Variants in SCARA3 observed in about 807,000 individuals in gnomAD.
SCARA3 encodes cellular stress response gene protein.
A neutral mutation model predicts 47.0 loss-of-function variants in SCARA3; 39 were observed. The ratio of observed to expected loss-of-function variants is 0.83; its 90% CI spans 0.64 to 1.08. The LOEUF (loss-of-function observed/expected upper bound fraction) is 1.08. SCARA3 is among the 50% of genes least tolerant of loss of function. The pLI is 0.00. For synonymous variants in SCARA3, 356 were observed against 334.1 expected, an observed-to-expected ratio of 1.07 and a Z score of -0.71; for missense variants, 724 against 792.3, an observed-to-expected ratio of 0.91 and a Z score of 1.04.
the SCARA3 span, among the ~76,000 whole-genome samples, chr8:27,690,974 C>T: frequency 2.6e-5 from 4 of 152,100 alleles, no homozygotes; most frequent in South Asian, 6.2e-4. Context: ...TAAGCCACCA[C>T]GCCAGGCCAT....
At chr8:27,651,021 G>A (rs1211217052) in intron 2 of SCARA3, among the ~76,000 whole-genome samples, 6 of 152,146 alleles carry the variant, frequency 3.9e-5, no homozygotes, top group African/African-American at 7.2e-5. Flanking sequence ...TACTGTACCC[G>A]GCAGGCTTTC....
chr8:27,653,629 C>G (rs986320286), intron 3 of SCARA3, among the ~76,000 whole-genome samples: 16 of 140,624 alleles, frequency 1.1e-4, no homozygotes, highest in Admixed American at 8.9e-4. Flanking sequence ...TGTGGATAGA[C>G]TGGTCAATGC....
In SCARA3 at chr8:27,658,845, C is replaced by T; in HGVS notation, c.675C>T (p.Phe225=). 6.2e-7 allele frequency: 1 copy of T among 1,614,212 alleles called. No individual in the cohort carries two copies. The highest frequency in any genetic ancestry group is 1.3e-5 in the African/African-American group (1 of 75,050). Residue 225 remains phenylalanine, a synonymous_variant, in exon 5 of 6, where the codon TTC becomes TTT. Coordinates refer to ENST00000301904, the MANE Select transcript of SCARA3 (RefSeq NM_016240.3). The stretch of plus-strand genomic sequence containing the variant: ...AGGCTGCAGTGCACCAGATCAACTT[C>T]ACCGTGGGGCAGACTTCCGAGTGGA... ...DVKAAVHQIN[F]TVGQTSEWIH...
intron 5 of SCARA3, among the ~76,000 whole-genome samples, chr8:27,661,574 A>C (rs1204216831): frequency 6.6e-6 from 1 of 152,232 alleles, no homozygotes; most frequent in African/African-American, 2.4e-5. Flanking sequence ...GATTGATTAC[A>C]TTCAGAATGT....
chr8:27,652,099 C>T (rs924163662), intron 3 of SCARA3, among the ~76,000 whole-genome samples: 1 of 152,218 alleles, frequency 6.6e-6, no homozygotes, highest in Non-Finnish European at 1.5e-5. Flanking sequence ...TGGATGCCTA[C>T]CTGCAGCAAT....
chr8:27,698,536 A>G, the SCARA3 span, among the ~76,000 whole-genome samples: 1 of 152,214 alleles, frequency 6.6e-6, no homozygotes, highest in Non-Finnish European at 1.5e-5. Context: ...AATAAGACAA[A>G]CAAAGAAATA....
In SCARA3 at chr8:27,649,448, A is replaced by T. The variant is rs1360887647; in HGVS notation, c.8-254A>T. Among the ~76,000 whole-genome samples the T allele has an allele frequency of 2.0e-5, 3 of 152,322 alleles. No homozygotes were observed. In the East Asian group the frequency reaches 5.8e-4, roughly 29 times the overall value. On this transcript the variant is annotated intron_variant, in intron 1 of 5. Transcript: ENST00000301904. ...CAAGCTCCAGAGAGAGCAGGCACTG[A>T]GGTGGCCCATGTGTCTTTCCCAGCG...
At chr8:27,635,787 C>A (rs1005253211) in intron 1 of SCARA3, among the ~76,000 whole-genome samples, 1 of 152,184 alleles carries the variant, frequency 6.6e-6, no homozygotes, top group East Asian at 1.9e-4. Flanking sequence ...AAGTCATCCC[C>A]TCCCACCAAC....
intron 5 of SCARA3, 130 bp downstream of exon 5, chr8:27,659,669 A>G: frequency 1.4e-6 from 1 of 718,614 alleles, no homozygotes; most frequent in Non-Finnish European, 2.2e-6. Flanking sequence ...AAATGCCTAC[A>G]GCAGTCGGCA....
At chr8:27,680,407 G>A (rs965380342), downstream of SCARA3, among the ~76,000 whole-genome samples, 6 of 151,910 alleles carry the variant, frequency 3.9e-5, no homozygotes, top group African/African-American at 7.2e-5. Context: ...GACAGTGAAG[G>A]GTAACAAAGA....
chr8:27,681,821 G>GA, the SCARA3 span, among the ~76,000 whole-genome samples: 411 of 152,314 alleles, frequency 2.7e-3, 2 homozygotes, highest in Non-Finnish European at 4.2e-3. Context: ...CCATGTTCAT[G>GA]GATGATATAT....
intron 5 of SCARA3, 115 bp downstream of exon 5, chr8:27,659,654 A>G (rs1233178075): frequency 3.6e-6 from 3 of 836,994 alleles, no homozygotes; most frequent in Admixed American, 2.9e-5. Context: ...ACACAATCCT[A>G]TAGCAAATGC....
rs1450922279 is a variant in SCARA3 at position 27,633,981 on chromosome 8, C to G, written c.-220C>G. On this transcript the variant is annotated 5_prime_UTR_variant, in exon 1 of 6. Transcript: ENST00000301904. Reference sequence around the variant, plus strand: ...GGCGGCGGGGCGCGGCGCTAGGCGCCCGGCGGGGCTTCCCCAGGCTGCGAC... The same window carrying G: ...GGCGGCGGGGCGCGGCGCTAGGCGCGCGGCGGGGCTTCCCCAGGCTGCGAC... The G allele has an allele frequency of 4.2e-6, 1 of 239,982 alleles. No individual in the cohort carries two copies. 14.9% of individuals were successfully genotyped at this position (239,982 alleles called of 1,614,324 possible).
chr8:27,703,750 A>G, the SCARA3 span: 1 of 151,892 alleles, frequency 6.6e-6, no homozygotes, highest in South Asian at 2.1e-4. Flanking sequence ...ATCTGGGAGA[A>G]CCTACAGCAA....
chr8:27,662,293 C>G (rs1563410807), intron 5 of SCARA3, among the ~76,000 whole-genome samples: 1 of 152,232 alleles, frequency 6.6e-6, no homozygotes, highest in Non-Finnish European at 1.5e-5. Flanking sequence ...ATACAGCCTC[C>G]TGGAGAACCA....
In SCARA3 at chr8:27,651,488, C is replaced by CCT; in HGVS notation, c.107-18_107-17dup. 6.2e-7 allele frequency: 1 copy of CCT among 1,608,782 alleles called. No homozygotes were observed. The highest frequency in any genetic ancestry group is 8.5e-7 in the Non-Finnish European group (1 of 1,179,632). On this transcript the variant is annotated intron_variant, in intron 2 of 5. Coordinates refer to ENST00000301904, the MANE Select transcript of SCARA3 (RefSeq NM_016240.3). ...CTGGGCCCCTGGCCTAAGCCATTGT[C>CCT]CTCCTTGTGTCCCCCACAGGCCGGC...
At chr8:27,687,241 C>G in the SCARA3 span, among the ~76,000 whole-genome samples, 1 of 152,132 alleles carries the variant, frequency 6.6e-6, no homozygotes, top group African/African-American at 2.4e-5. Context: ...GACTGAAAGC[C>G]TGGAGTTGTT....
intron 1 of SCARA3, among the ~76,000 whole-genome samples, chr8:27,639,385 C>T (rs1384112991): frequency 1.3e-5 from 2 of 152,124 alleles, no homozygotes; most frequent in South Asian, 4.2e-4. Flanking sequence ...AGAAAGGGAG[C>T]ATTTCAAGTT....
intron 1 of SCARA3, among the ~76,000 whole-genome samples, chr8:27,647,431 G>A (rs1308034553): frequency 1.1e-4 from 16 of 152,212 alleles, no homozygotes; most frequent in Admixed American, 8.5e-4. Flanking sequence ...ACCCTTGAAA[G>A]CTCCCCAGAG....
Sources: gnomAD v4.1 joint callset for allele counts (sites outside exome capture counted in the v4.1 genomes callset) on GRCh38, gnomAD v4.1.1 for gene constraint, MANE v1.5 for transcripts, NCBI Gene and HGNC (gene_info 2026-07-23, HGNC 2026-07-21) for gene names.